Variants in SORCS2 observed in about 807,000 individuals in gnomAD.
SORCS2 encodes the protein VPS10 domain-containing receptor SorCS2.
SORCS2 carries 100 observed loss-of-function variants against 141.6 expected under a neutral mutation model. The observed-to-expected ratio is 0.71, with a 90% CI of 0.60 to 0.83. The LOEUF is 0.83. SORCS2 is among the 40% of genes least tolerant of loss of function. The pLI is 0.00. For missense variants in SORCS2, 1,646 were observed against 1,560.2 expected, an observed-to-expected ratio of 1.05 and a Z score of -0.93; for synonymous variants, 789 against 676.9, an observed-to-expected ratio of 1.17 and a Z score of -2.57.
At chr4:7,415,488 G>T (rs1216776602) in intron 2 of SORCS2, among the ~76,000 whole-genome samples, 1 of 152,178 alleles carries the variant, frequency 6.6e-6, no homozygotes, top group Non-Finnish European at 1.5e-5. Flanking sequence ...AAAAGGTTCT[G>T]CCTTTTAGGG....
At chr4:7,592,806 A>G (rs887110887) in intron 3 of SORCS2, among the ~76,000 whole-genome samples, 1 of 152,220 alleles carries the variant, frequency 6.6e-6, no homozygotes, top group Non-Finnish European at 1.5e-5. Context: ...ACCTCACAAC[A>G]TTGAGATTTG....
At chr4:7,198,972 T>C (rs1414461472) in intron 1 of SORCS2, among the ~76,000 whole-genome samples, 2 of 152,144 alleles carry the variant, frequency 1.3e-5, no homozygotes, top group Non-Finnish European at 2.9e-5. Context: ...GAGGGTGTTG[T>C]GCCCAGAACC....
At chr4:7,673,924 G>C (rs763665355) in intron 8 of SORCS2, among the ~76,000 whole-genome samples, 1 of 152,178 alleles carries the variant, frequency 6.6e-6, no homozygotes, top group Non-Finnish European at 1.5e-5. Flanking sequence ...CACGGCCCAG[G>C]CTGGTGGACA....
intron 1 of SORCS2, among the ~76,000 whole-genome samples, chr4:7,314,833 G>A (rs574579781): frequency 0.019 from 1,685 of 87,890 alleles, 11 homozygotes; most frequent in Middle Eastern, 0.064. Flanking sequence ...TTTTTTTATT[G>A]TTGTTGTTGT....
At chr4:7,630,149 CA>C (rs1415220823) in intron 3 of SORCS2, among the ~76,000 whole-genome samples, 1 of 152,184 alleles carries the variant, frequency 6.6e-6, no homozygotes, top group African/African-American at 2.4e-5. Context: ...TGTTCATACG[CA>C]GACTGTGAGG....
intron 1 of SORCS2, among the ~76,000 whole-genome samples, chr4:7,208,014 C>T (rs548359121): frequency 6.6e-6 from 1 of 152,218 alleles, no homozygotes; most frequent in East Asian, 1.9e-4. Flanking sequence ...TTTCGGGCGC[C>T]TTCTCCCAGG....
chr4:7,232,098 G>A (rs534275140), intron 1 of SORCS2, among the ~76,000 whole-genome samples: 1 of 152,236 alleles, frequency 6.6e-6, no homozygotes, highest in Non-Finnish European at 1.5e-5. Flanking sequence ...GCGGAGGGTG[G>A]TGGGAGAGTC....
At chr4:7,673,968 C>T (rs560052510) in intron 8 of SORCS2, among the ~76,000 whole-genome samples, 33 of 152,320 alleles carry the variant, frequency 2.2e-4, no homozygotes, top group African/African-American at 6.7e-4. Context: ...GAATGACCAA[C>T]GCCCGGATGA....
intron 8 of SORCS2, among the ~76,000 whole-genome samples, chr4:7,671,481 A>G (rs1577923996): frequency 1.3e-5 from 2 of 152,184 alleles, no homozygotes; most frequent in East Asian, 1.9e-4. Context: ...AAAATGATGT[A>G]TGGACAAAAT....
intron 2 of SORCS2, among the ~76,000 whole-genome samples, chr4:7,444,808 G>A (rs930287037): frequency 2.6e-5 from 4 of 152,248 alleles, no homozygotes; most frequent in East Asian, 1.9e-4. Flanking sequence ...GTGACAGGCT[G>A]CAGATTCAGC....
chr4:7,697,305 C>G, intron 12 of SORCS2, 31 bp downstream of exon 12: 1 of 1,540,732 alleles, frequency 6.5e-7, no homozygotes, highest in Non-Finnish European at 8.8e-7. Flanking sequence ...CTGGTACCCC[C>G]CACCCCATCC....
intron 2 of SORCS2, among the ~76,000 whole-genome samples, chr4:7,509,152 G>T (rs1351768993): frequency 6.6e-6 from 1 of 152,208 alleles, no homozygotes; most frequent in African/African-American, 2.4e-5. Context: ...AGACCCTGGG[G>T]CTGCCCAGGG....
intron 1 of SORCS2, among the ~76,000 whole-genome samples, chr4:7,273,667 C>T (rs1158751700): frequency 8.5e-5 from 13 of 152,204 alleles, no homozygotes; most frequent in Admixed American, 8.5e-4. Context: ...TTCTGGGAGG[C>T]ATGCAGCTTG....
At chr4:7,399,095 C>T (rs982041079) in intron 2 of SORCS2, among the ~76,000 whole-genome samples, 2 of 152,122 alleles carry the variant, frequency 1.3e-5, no homozygotes, top group African/African-American at 4.8e-5. Context: ...TAAGGAGGAA[C>T]AGTTTTCTGT....
At chr4:7,518,243 G>A (rs1450268249) in intron 2 of SORCS2, among the ~76,000 whole-genome samples, 2 of 152,200 alleles carry the variant, frequency 1.3e-5, no homozygotes, top group Non-Finnish European at 2.9e-5. Context: ...TATGTGGATT[G>A]CTACGTTTCT....
intron 9 of SORCS2, 26 bp downstream of exon 9, chr4:7,676,255 G>C (rs1723100840): frequency 6.5e-7 from 1 of 1,545,470 alleles, no homozygotes; most frequent in South Asian, 1.2e-5. Flanking sequence ...ATGTGGGCCA[G>C]GTCTGCCGCC....
At chr4:7,544,033 C>G (rs1215009688) in intron 3 of SORCS2, among the ~76,000 whole-genome samples, 5 of 149,580 alleles carry the variant, frequency 3.3e-5, no homozygotes, top group Non-Finnish European at 7.4e-5. Context: ...TCCATCCAGC[C>G]ACCCACCCAT....
At chr4:7,443,863 C>T (rs1311480098) in intron 2 of SORCS2, among the ~76,000 whole-genome samples, 4 of 152,218 alleles carry the variant, frequency 2.6e-5, no homozygotes, top group Non-Finnish European at 4.4e-5. Flanking sequence ...TGGTTTCCAA[C>T]AGGGGTCCTC....
At chr4:7,429,385 C>A (rs1726672487) in intron 2 of SORCS2, among the ~76,000 whole-genome samples, 1 of 152,246 alleles carries the variant, frequency 6.6e-6, no homozygotes, top group Admixed American at 6.5e-5. Flanking sequence ...CCCATCGCCT[C>A]TTCCGCCCTA....
Sources: allele counts gnomAD v4.1 joint callset (sites outside exome capture counted in the v4.1 genomes callset), GRCh38; gene constraint gnomAD v4.1.1; transcripts MANE v1.5; gene names NCBI Gene and HGNC (gene_info 2026-07-23, HGNC 2026-07-21).